Variants in PRELID2 observed in about 807,000 individuals in gnomAD.
PRELID2 encodes the protein PRELI domain-containing protein 2.
In PRELID2, 25 loss-of-function variants were observed where a neutral mutation model predicts 28.4. The observed-to-expected ratio is 0.88, with a 90% CI of 0.64 to 1.23. The LOEUF (loss-of-function observed/expected upper bound fraction) is 1.23. Ranked by LOEUF, PRELID2 falls within the 50% of genes most tolerant of loss-of-function variation. The pLI, the probability that PRELID2 is intolerant of heterozygous loss-of-function variation, is 0.00. For synonymous variants in PRELID2, 76 were observed against 71.6 expected (o/e 1.06, Z -0.31); for missense variants, 201 against 214.4 (o/e 0.94, Z 0.39).
At chr5:145,445,906 C>T in the PRELID2 span, among the ~76,000 whole-genome samples, 3 of 151,874 alleles carry the variant, frequency 2.0e-5, no homozygotes, top group African/African-American at 7.3e-5. Context: ...CTTCTACACT[C>T]ATATATGGAA....
the PRELID2 span, among the ~76,000 whole-genome samples, chr5:145,414,034 T>C: frequency 2.0e-5 from 3 of 152,196 alleles, no homozygotes; most frequent in Non-Finnish European, 4.4e-5. Context: ...AAATATTTCT[T>C]ATTTTTAGAG....
the PRELID2 span, among the ~76,000 whole-genome samples, chr5:145,439,912 A>G: frequency 6.6e-6 from 1 of 152,040 alleles, no homozygotes; most frequent in Non-Finnish European, 1.5e-5. Flanking sequence ...AAAAACTCCA[A>G]AATCTCCCTG....
intron 4 of PRELID2, among the ~76,000 whole-genome samples, chr5:145,813,955 A>G (rs938544562): frequency 1.3e-5 from 2 of 152,224 alleles, no homozygotes; most frequent in Non-Finnish European, 2.9e-5. Flanking sequence ...TCACCACAAC[A>G]CTGTTTGTAA....
intron 1 of PRELID2, among the ~76,000 whole-genome samples, chr5:145,481,011 G>C (rs1752154052): frequency 6.6e-6 from 1 of 152,060 alleles, no homozygotes; most frequent in Non-Finnish European, 1.5e-5. Context: ...TTACTCCATG[G>C]CTCTAAATTT....
At chr5:145,248,813 C>T in the PRELID2 span, among the ~76,000 whole-genome samples, 1 of 151,890 alleles carries the variant, frequency 6.6e-6, no homozygotes, top group African/African-American at 2.4e-5. Flanking sequence ...AAAAAAATCA[C>T]GTAAGTTTTT....
chr5:145,317,321 C>A, the PRELID2 span, among the ~76,000 whole-genome samples: 1 of 152,172 alleles, frequency 6.6e-6, no homozygotes, highest in African/African-American at 2.4e-5. Context: ...AAGGGTGCTC[C>A]TGAGCAGTGC....
At chr5:145,545,364 G>A (rs1314594647) in intron 1 of PRELID2, among the ~76,000 whole-genome samples, 1 of 151,978 alleles carries the variant, frequency 6.6e-6, no homozygotes, top group East Asian at 1.9e-4. Flanking sequence ...ATGAAGCCAT[G>A]GGAGTTTCAG....
intron 4 of PRELID2, 111 bp downstream of exon 4, chr5:145,817,783 G>T: frequency 1.1e-6 from 1 of 905,354 alleles, no homozygotes. Context: ...TGTGGAATTT[G>T]TATGAGTTAT....
chr5:145,555,765 G>A (rs1752875139), intron 1 of PRELID2, among the ~76,000 whole-genome samples: 1 of 152,110 alleles, frequency 6.6e-6, no homozygotes. Flanking sequence ...AGAGAAGGAT[G>A]GAGGAAACTC....
chr5:145,364,961 C>T, the PRELID2 span, among the ~76,000 whole-genome samples: 1 of 151,960 alleles, frequency 6.6e-6, no homozygotes, highest in Non-Finnish European at 1.5e-5. Flanking sequence ...AAGTGCTGGA[C>T]TACACAAAGT....
At chr5:145,769,285 A>G (rs142568443) in intron 5 of PRELID2, among the ~76,000 whole-genome samples, 1 of 152,304 alleles carries the variant, frequency 6.6e-6, no homozygotes, top group East Asian at 1.9e-4. Flanking sequence ...TGTACAGATA[A>G]GTGAGCTATC....
chr5:145,344,672 C>T, the PRELID2 span, among the ~76,000 whole-genome samples: 3 of 151,870 alleles, frequency 2.0e-5, no homozygotes, highest in South Asian at 2.1e-4. Flanking sequence ...CCTTGTAGTG[C>T]GTGAGAGGGA....
chr5:145,737,443 C>CA (rs1026182028), intron 1 of PRELID2, among the ~76,000 whole-genome samples: 104 of 151,038 alleles, frequency 6.9e-4, no homozygotes, highest in Non-Finnish European at 1.1e-3. Flanking sequence ...AAAACAAAAA[C>CA]AAAAAAAATA....
the PRELID2 span, among the ~76,000 whole-genome samples, chr5:145,431,607 C>T: frequency 4.6e-5 from 7 of 152,116 alleles, no homozygotes; most frequent in African/African-American, 1.2e-4. Flanking sequence ...GCATCAGCTC[C>T]GTAATATTTC....
At chr5:145,548,376 T>TCCCC (rs2126678692) in intron 1 of PRELID2, among the ~76,000 whole-genome samples, 1 of 152,258 alleles carries the variant, frequency 6.6e-6, no homozygotes, top group East Asian at 1.9e-4. Flanking sequence ...TTAAGAGAAT[T>TCCCC]CCCCAACAGC....
chr5:145,704,041 C>A (rs1755477659), intron 1 of PRELID2: 1 of 152,178 alleles, frequency 6.6e-6, no homozygotes, highest in African/African-American at 2.4e-5. Context: ...GATGAAACAT[C>A]ATTTCAAGGG....
At chr5:145,535,283 C>T (rs925233411) in intron 1 of PRELID2, among the ~76,000 whole-genome samples, 6 of 151,648 alleles carry the variant, frequency 4.0e-5, no homozygotes, top group South Asian at 2.1e-4. Context: ...CCTTAGACTC[C>T]CACAAAATAG....
chr5:145,691,854 T>C (rs1025089470), intron 1 of PRELID2, among the ~76,000 whole-genome samples: 9 of 152,110 alleles, frequency 5.9e-5, no homozygotes, highest in African/African-American at 1.9e-4. Flanking sequence ...CTCTAGCACC[T>C]CAGGATCCTG....
chr5:145,412,912 AT>A, the PRELID2 span, among the ~76,000 whole-genome samples: 1 of 152,174 alleles, frequency 6.6e-6, no homozygotes, highest in Non-Finnish European at 1.5e-5. Flanking sequence ...CAAGCCACTT[AT>A]CCCCTTATAA....
Sources: gnomAD v4.1 joint callset for allele counts (sites outside exome capture counted in the v4.1 genomes callset) on GRCh38, gnomAD v4.1.1 for gene constraint, MANE v1.5 for transcripts, NCBI Gene and HGNC (gene_info 2026-07-23, HGNC 2026-07-21) for gene names.